The following GMDS variants were observed in gnomAD, a reference collection of about 807,000 sequenced individuals.
GMDS encodes the protein GDP-mannose 4,6-dehydratase.
Under a neutral mutation model 49.9 loss-of-function variants are expected in GMDS, and 20 were observed. The ratio of observed to expected loss-of-function variants is 0.40; its 90% CI spans 0.28 to 0.58. The LOEUF is 0.58. GMDS is among the 20% of genes least tolerant of loss of function. The pLI is 0.42. For synonymous variants in GMDS, 177 were observed against 178.6 expected (o/e 0.99, Z 0.07); for missense variants, 362 against 481.4 (o/e 0.75, Z 2.32).
At chr6:1,865,190 T>C (rs577104992) in intron 7 of GMDS, among the ~76,000 whole-genome samples, 2 of 152,332 alleles carry the variant, frequency 1.3e-5, no homozygotes, top group South Asian at 4.1e-4. Flanking sequence ...CAATTAAGTT[T>C]TCTTGAGAAC....
At chr6:1,922,391 T>C (rs183876263) in intron 7 of GMDS, among the ~76,000 whole-genome samples, 6 of 152,132 alleles carry the variant, frequency 3.9e-5, no homozygotes, top group Non-Finnish European at 5.9e-5. Context: ...TATATGCTAC[T>C]CTCCTGCATA....
intron 1 of GMDS, among the ~76,000 whole-genome samples, chr6:2,190,938 T>C (rs933069429): frequency 6.6e-6 from 1 of 151,956 alleles, no homozygotes; most frequent in Non-Finnish European, 1.5e-5. Context: ...CTCCCAGGCC[T>C]GGAACATCAG....
intron 4 of GMDS, among the ~76,000 whole-genome samples, chr6:2,067,986 C>A (rs1186920257): frequency 4.0e-5 from 6 of 151,108 alleles, no homozygotes; most frequent in African/African-American, 1.5e-4. Flanking sequence ...AGACCAATAT[C>A]CTTGATGAAC....
chr6:1,774,405 A>G (rs1768709632), intron 7 of GMDS, among the ~76,000 whole-genome samples: 1 of 152,238 alleles, frequency 6.6e-6, no homozygotes, highest in African/African-American at 2.4e-5. Flanking sequence ...TATATCCCAC[A>G]AGGAAGAGGG....
chr6:2,019,580 G>C (rs975340084), intron 4 of GMDS, among the ~76,000 whole-genome samples: 1 of 152,096 alleles, frequency 6.6e-6, no homozygotes, highest in Non-Finnish European at 1.5e-5. Context: ...CTCCGAAGTA[G>C]TTGGGATTAC....
intron 7 of GMDS, among the ~76,000 whole-genome samples, chr6:1,810,894 C>A (rs1770400251): frequency 6.6e-6 from 1 of 152,152 alleles, no homozygotes; most frequent in South Asian, 2.1e-4. Flanking sequence ...TAAAAACATA[C>A]CTTTGTGGCA....
intron 1 of GMDS, among the ~76,000 whole-genome samples, chr6:2,234,019 A>G (rs550096882): frequency 1.3e-5 from 2 of 152,318 alleles, no homozygotes; most frequent in South Asian, 4.1e-4. Flanking sequence ...AGCCCACCAT[A>G]TTTCAGACAC....
At chr6:2,223,480 G>A (rs1189747046) in intron 1 of GMDS, among the ~76,000 whole-genome samples, 1 of 144,424 alleles carries the variant, frequency 6.9e-6, no homozygotes, top group African/African-American at 2.6e-5. Context: ...AAAAAAAAAA[G>A]ACTGGAAGCA....
At chr6:2,231,017 T>C (rs1437383013) in intron 1 of GMDS, among the ~76,000 whole-genome samples, 2 of 133,224 alleles carry the variant, frequency 1.5e-5, no homozygotes, top group Non-Finnish European at 3.1e-5. Flanking sequence ...TAAGTCAACA[T>C]TATAAGGACA....
chr6:1,877,215 G>A (rs1356878604), intron 7 of GMDS, among the ~76,000 whole-genome samples: 1 of 152,022 alleles, frequency 6.6e-6, no homozygotes, highest in Non-Finnish European at 1.5e-5. Flanking sequence ...TTGAACCACT[G>A]GTGGAAAATA....
At chr6:1,830,644 T>C (rs139220408) in intron 7 of GMDS, among the ~76,000 whole-genome samples, 6 of 152,204 alleles carry the variant, frequency 3.9e-5, no homozygotes, top group African/African-American at 1.4e-4. Context: ...ACTACAGCAA[T>C]AAATGATGTA....
intron 4 of GMDS, among the ~76,000 whole-genome samples, chr6:2,098,192 G>A (rs948235671): frequency 2.6e-5 from 4 of 152,038 alleles, no homozygotes; most frequent in African/African-American, 9.7e-5. Context: ...CCCTGTAGCT[G>A]GGATTACAGG....
At chr6:2,087,630 A>G (rs556117715) in intron 4 of GMDS, among the ~76,000 whole-genome samples, 92 of 152,344 alleles carry the variant, frequency 6.0e-4, no homozygotes, top group African/African-American at 2.1e-3. Flanking sequence ...TAGGCACTCA[A>G]TGACTGCTGT....
chr6:1,861,652 G>C (rs950368795), intron 7 of GMDS, among the ~76,000 whole-genome samples: 1 of 152,004 alleles, frequency 6.6e-6, no homozygotes, highest in Admixed American at 6.6e-5. Flanking sequence ...ATGCGAAAAG[G>C]CAGGAGGTAT....
At chr6:1,789,493 T>C (rs1057221139) in intron 7 of GMDS, among the ~76,000 whole-genome samples, 2 of 151,860 alleles carry the variant, frequency 1.3e-5, no homozygotes, top group Admixed American at 6.6e-5. Flanking sequence ...ATAAGTTAGA[T>C]AGAACTTGAC....
chr6:1,846,004 T>C (rs1052040492), intron 7 of GMDS, among the ~76,000 whole-genome samples: 3 of 151,626 alleles, frequency 2.0e-5, no homozygotes, highest in Admixed American at 1.3e-4. Flanking sequence ...ATATGATCCC[T>C]GGGATACCAG....
At chr6:2,040,025 T>C (rs982038362) in intron 4 of GMDS, among the ~76,000 whole-genome samples, 1 of 152,214 alleles carries the variant, frequency 6.6e-6, no homozygotes, top group African/African-American at 2.4e-5. Context: ...GCAACATCAC[T>C]AGGTGATAGA....
intron 1 of GMDS, among the ~76,000 whole-genome samples, chr6:2,206,070 C>T (rs1337930577): frequency 1.3e-5 from 2 of 152,200 alleles, no homozygotes; most frequent in South Asian, 2.1e-4. Context: ...ACCAGCCTGA[C>T]CAACATGGAG....
At chr6:2,198,571 AAAC>A (rs1489474913) in intron 1 of GMDS, among the ~76,000 whole-genome samples, 4 of 152,202 alleles carry the variant, frequency 2.6e-5, no homozygotes, top group East Asian at 3.8e-4. Context: ...AAAAAAAAAA[AAAC>A]AAGAGAATTA....
Sources: gnomAD v4.1 joint callset for allele counts (sites outside exome capture counted in the v4.1 genomes callset) on GRCh38, gnomAD v4.1.1 for gene constraint, MANE v1.5 for transcripts, NCBI Gene and HGNC (gene_info 2026-07-23, HGNC 2026-07-21) for gene names.